The following MKLN1 variants were observed in gnomAD, a reference collection of about 807,000 sequenced individuals.
The protein encoded by MKLN1 is muskelin 1.
MKLN1 carries 18 observed loss-of-function variants against 99.0 expected under a neutral mutation model. The observed-to-expected ratio is 0.18, with a 90% CI of 0.13 to 0.27. MKLN1 has a LOEUF of 0.27. Among genes scored for constraint, MKLN1 ranks in the 10% least tolerant of loss-of-function variants. The pLI is 1.00. For missense variants in MKLN1, 621 were observed against 875.9 expected (o/e 0.71, Z 3.67); for synonymous variants, 288 against 293.2 (o/e 0.98, Z 0.18).
rs1407426624 is a variant in MKLN1, at chr7:131,312,420, G to A, written c.-178-63004G>A. On this transcript the variant is annotated intron_variant, in intron 3 of 7. Transcript: ENST00000416992. ...GAAAGCCCTGTTATTCTGAAACAGG[G>A]GTCCCACATCAGTGTGCTTTAAATA... Among the ~76,000 whole-genome samples the A allele has an allele frequency of 6.6e-5, 10 of 151,910 alleles. 1 individual carries two copies. The highest frequency in any genetic ancestry group is 2.2e-4 in the African/African-American group (9 of 41,352).
Position 131,357,403 on chromosome 7 carries a change from A to G in MKLN1, c.99-18021A>G, listed in dbSNP as rs566562881. Among the ~76,000 whole-genome samples, 10 of 152,246 alleles carry G rather than the reference A, an allele frequency of 6.6e-5. No homozygotes were observed. The East Asian group carries it at 1.9e-3, about 29-fold the overall frequency. ...GGTGTTTGTCAGGTTTCTCCACTGTAATATTTTCCCTTTTGCATACTGTAC... is the reference window on the plus strand; with the variant it reads ...GGTGTTTGTCAGGTTTCTCCACTGTGATATTTTCCCTTTTGCATACTGTAC... On this transcript the variant is annotated intron_variant, in intron 1 of 17. Transcript: ENST00000352689.
At chr7:131,341,148 A>T (rs548123920) in intron 1 of MKLN1, among the ~76,000 whole-genome samples, 5 of 151,928 alleles carry the variant, frequency 3.3e-5, no homozygotes, top group African/African-American at 1.2e-4. Context: ...AATTCTTTGA[A>T]CATAATTATT....
chr7:131,243,462 A>T (rs999657875), intron 3 of MKLN1, among the ~76,000 whole-genome samples: 1 of 152,186 alleles, frequency 6.6e-6, no homozygotes, highest in African/African-American at 2.4e-5. Flanking sequence ...TACCACATTC[A>T]ATCTGTTAAT....
intron 2 of MKLN1, among the ~76,000 whole-genome samples, chr7:131,384,088 T>A (rs138018350): frequency 1.7e-3 from 261 of 152,306 alleles, no homozygotes; most frequent in Non-Finnish European, 2.8e-3. Flanking sequence ...CATACCATTT[T>A]CTGCCCTGCC....
chr7:131,219,246 T>A (rs978741589), intron 3 of MKLN1, among the ~76,000 whole-genome samples: 5 of 130,270 alleles, frequency 3.8e-5, no homozygotes, highest in Non-Finnish European at 8.3e-5. Context: ...AAAAAAAAAA[T>A]AGTGTTAGCA....
intron 1 of MKLN1, among the ~76,000 whole-genome samples, chr7:131,328,896 C>T (rs868678670): frequency 6.6e-6 from 1 of 152,164 alleles, no homozygotes; most frequent in Middle Eastern, 3.4e-3. Context: ...TCTTATTTAT[C>T]TTTGGCTTAT....
intron 1 of MKLN1, among the ~76,000 whole-genome samples, chr7:131,123,163 AT>A (rs1185404868): frequency 6.6e-6 from 1 of 152,182 alleles, no homozygotes; most frequent in Non-Finnish European, 1.5e-5. Flanking sequence ...TGAACTGGAA[AT>A]TTTAGGAAAT....
intron 7 of MKLN1, 71 bp from the exon 8 acceptor site, chr7:131,414,574 T>G (rs1794962686): frequency 9.4e-7 from 1 of 1,065,236 alleles, no homozygotes; most frequent in Non-Finnish European, 1.4e-6. Flanking sequence ...ATTACAGACT[T>G]ATGAATAAAT....
chr7:131,477,120 G>A (rs1796988674), intron 16 of MKLN1, among the ~76,000 whole-genome samples: 1 of 152,146 alleles, frequency 6.6e-6, no homozygotes, highest in Non-Finnish European at 1.5e-5. Context: ...GAAAACATAG[G>A]AGATTATCTT....
intron 1 of MKLN1, 196 bp downstream of exon 1, chr7:131,328,193 G>A: frequency 3.0e-6 from 2 of 665,980 alleles, no homozygotes; most frequent in Non-Finnish European, 2.5e-6. Flanking sequence ...GGTCCGGAGA[G>A]CGAGCCCAGG....
chr7:131,268,191 C>T (rs1797836136), intron 3 of MKLN1, among the ~76,000 whole-genome samples: 1 of 152,190 alleles, frequency 6.6e-6, no homozygotes, highest in Admixed American at 6.5e-5. Flanking sequence ...GGCTTCAGCT[C>T]TGTGGGAATT....
At position 131,379,332 on chromosome 7, in the gene MKLN1, G is replaced by A. The variant is rs1278246342; in HGVS notation, c.168+3839G>A. 2.0e-5 allele frequency among the ~76,000 whole-genome samples: 3 copies of A among 152,078 alleles called. No homozygotes were observed. The East Asian group carries it at 5.8e-4, about 29-fold the overall frequency. On this transcript the variant is annotated intron_variant, in intron 2 of 17. Coordinates refer to ENST00000352689, the MANE Select transcript of MKLN1 (RefSeq NM_013255.5). ...ACTTTAAGAACTAGCAGAACAAATG[G>A]CAGAACCCCTTCCAGAATTTTAGAT...
intron 1 of MKLN1, among the ~76,000 whole-genome samples, chr7:131,339,928 A>G (rs958611624): frequency 6.6e-6 from 1 of 151,966 alleles, no homozygotes; most frequent in South Asian, 2.1e-4. Context: ...TAGTATGACT[A>G]ATATTTATTA....
chr7:131,351,811 C>CT (rs1190241079), intron 1 of MKLN1, among the ~76,000 whole-genome samples: 1 of 152,122 alleles, frequency 6.6e-6, no homozygotes, highest in Non-Finnish European at 1.5e-5. Context: ...GTGGTGACAA[C>CT]TTTTTTGTAA....
intron 10 of MKLN1, among the ~76,000 whole-genome samples, chr7:131,441,034 T>C (rs570013860): frequency 3.9e-5 from 6 of 152,186 alleles, no homozygotes; most frequent in Non-Finnish European, 8.8e-5. Context: ...GAGCAACATC[T>C]AGAAGACATT....
intron 8 of MKLN1, among the ~76,000 whole-genome samples, chr7:131,424,436 A>G (rs1352705817): frequency 6.6e-6 from 1 of 152,198 alleles, no homozygotes; most frequent in Non-Finnish European, 1.5e-5. Flanking sequence ...GTGGAGGATT[A>G]TGCAATCAGC....
At chr7:131,175,598 T>A (rs1027820184) in intron 2 of MKLN1, among the ~76,000 whole-genome samples, 3 of 152,162 alleles carry the variant, frequency 2.0e-5, no homozygotes, top group African/African-American at 7.2e-5. Context: ...TGTTTGAGAT[T>A]AAACATACAA....
chr7:131,378,966 T>C (rs1179579201), intron 2 of MKLN1, among the ~76,000 whole-genome samples: 1 of 150,092 alleles, frequency 6.7e-6, no homozygotes, highest in African/African-American at 2.5e-5. Context: ...CCCCACCTCC[T>C]AGGGACCGTG....
At chr7:131,354,265 T>G (rs1004395059) in intron 1 of MKLN1, among the ~76,000 whole-genome samples, 3 of 151,898 alleles carry the variant, frequency 2.0e-5, no homozygotes, top group African/African-American at 7.2e-5. Context: ...GAGCACAATA[T>G]GTCTTCCATT....
Sources: gnomAD v4.1 joint callset for allele counts (sites outside exome capture counted in the v4.1 genomes callset) on GRCh38, gnomAD v4.1.1 for gene constraint, MANE v1.5 for transcripts, NCBI Gene and HGNC (gene_info 2026-07-23, HGNC 2026-07-21) for gene names.